DPP6: variants seen among roughly 807,000 people sequenced by gnomAD.
DPP6 encodes the protein A-type potassium channel modulatory protein DPP6.
In DPP6, 69 loss-of-function variants were observed where a neutral mutation model predicts 122.6. That is an observed-to-expected ratio of 0.56 (90% CI 0.46 to 0.69). DPP6 has a LOEUF of 0.69. DPP6 is among the 30% of genes least tolerant of loss of function. The pLI, the probability that DPP6 is intolerant of heterozygous loss-of-function variation, is 0.00. For missense variants in DPP6, 928 were observed against 1,116.9 expected, an observed-to-expected ratio of 0.83 and a Z score of 2.41; for synonymous variants, 418 against 433.1, an observed-to-expected ratio of 0.97 and a Z score of 0.43.
intron 1 of DPP6, among the ~76,000 whole-genome samples, chr7:154,236,570 G>A (rs1405043633): frequency 1.3e-5 from 2 of 152,084 alleles, no homozygotes; most frequent in Non-Finnish European, 2.9e-5. Flanking sequence ...TACTTCTAGG[G>A]AAGATATAGC....
intron 1 of DPP6, among the ~76,000 whole-genome samples, chr7:154,351,530 C>T (rs1810856339): frequency 6.6e-6 from 1 of 152,164 alleles, no homozygotes. Context: ...GTCAGCACCC[C>T]CACCTGCACC....
At chr7:154,103,237 T>C (rs1805883496) in intron 1 of DPP6, among the ~76,000 whole-genome samples, 1 of 152,180 alleles carries the variant, frequency 6.6e-6, no homozygotes, top group South Asian at 2.1e-4. Flanking sequence ...CCTTCTGTCC[T>C]GTTCCTAAAA....
chr7:153,792,547 A>T, the DPP6 span, among the ~76,000 whole-genome samples: 3 of 152,160 alleles, frequency 2.0e-5, no homozygotes, highest in African/African-American at 7.2e-5. Flanking sequence ...ATGTAAGGCT[A>T]CTCAAATATA....
intron 5 of DPP6, among the ~76,000 whole-genome samples, chr7:154,579,008 A>G (rs1018541372): frequency 1.3e-5 from 2 of 152,184 alleles, no homozygotes; most frequent in Admixed American, 6.5e-5. Context: ...CAGAGCTTCA[A>G]GAGGCTCTGA....
intron 6 of DPP6, among the ~76,000 whole-genome samples, chr7:154,638,786 T>C (rs1401757067): frequency 6.6e-6 from 1 of 152,194 alleles, no homozygotes; most frequent in Non-Finnish European, 1.5e-5. Flanking sequence ...TTTGTTGTTT[T>C]ATCTTCATTA....
At chr7:154,084,153 G>A (rs2150534369) in intron 1 of DPP6, among the ~76,000 whole-genome samples, 1 of 90,186 alleles carries the variant, frequency 1.1e-5, no homozygotes, top group South Asian at 4.6e-4. Flanking sequence ...AGGGCTTTCT[G>A]AAGCACCAGA....
intron 1 of DPP6, among the ~76,000 whole-genome samples, chr7:154,149,650 T>C (rs1168341319): frequency 6.7e-6 from 1 of 149,660 alleles, no homozygotes; most frequent in African/African-American, 2.5e-5. Context: ...TGGAAGGAAA[T>C]GGATGGATGA....
At chr7:154,312,687 C>T (rs904016168) in intron 1 of DPP6, among the ~76,000 whole-genome samples, 8 of 152,240 alleles carry the variant, frequency 5.3e-5, no homozygotes, top group South Asian at 2.1e-4. Context: ...GTGGTGATGG[C>T]GGGGCTCTCT....
chr7:154,499,118 T>G (rs1475440105), intron 3 of DPP6, among the ~76,000 whole-genome samples: 2 of 152,140 alleles, frequency 1.3e-5, no homozygotes, highest in African/African-American at 4.8e-5. Context: ...AATATTTTTA[T>G]CTGGACATAT....
chr7:154,071,130 T>A (rs890306219), intron 1 of DPP6, among the ~76,000 whole-genome samples: 7 of 152,138 alleles, frequency 4.6e-5, no homozygotes, highest in African/African-American at 7.2e-5. Context: ...TCAATCAGGG[T>A]TTGCCAGGGT....
At position 154,825,699 on chromosome 7, in the gene DPP6, C is replaced by T. The variant is rs904353994; in HGVS notation, c.1666+18587C>T. Among the ~76,000 whole-genome samples the T allele has an allele frequency of 2.0e-5, 3 of 152,228 alleles. No individual in the cohort carries two copies. The South Asian group carries it at 6.2e-4, about 31-fold the overall frequency. On this transcript the variant is annotated intron_variant, in intron 16 of 25. Coordinates refer to ENST00000377770, the MANE Select transcript of DPP6 (RefSeq NM_130797.4). ...GGACTGCTTCCCGTGCCCCAACTGC[C>T]ACACTGCTGTTTCTCCAATGTCATT...
rs200745389 is a variant in DPP6, at chr7:153,964,779, CTCCTTTCCTTTCCTTTCCTT to C, written c.51+77077_51+77096del. ...TGATGCTCCACATTCTTCTCCGTGG[CTCCTTTCCTTTCCTTTCCTT>C]TCCTTTCCTTTCCTTTCCTTTCCTT... is the stretch of plus-strand genomic sequence containing the variant. On this transcript the variant is annotated intron_variant, in intron 1 of 25. Transcript: ENST00000404039. Among the ~76,000 whole-genome samples, 991 of 114,662 alleles carry C rather than the reference CTCCTTTCCTTTCCTTTCCTT, an allele frequency of 8.6e-3. 15 individuals are homozygous for C. Among genetic ancestry groups the C allele is most frequent in the Non-Finnish European group, 0.013 (764 of 60,222 alleles). 75.2% of individuals were successfully genotyped at this position (114,662 alleles called of 152,430 possible).
intron 1 of DPP6, among the ~76,000 whole-genome samples, chr7:154,114,328 T>C (rs1250529388): frequency 6.6e-6 from 1 of 152,176 alleles, no homozygotes; most frequent in East Asian, 1.9e-4. Context: ...TTAAGCTTTC[T>C]GACTCTTGGT....
chr7:154,487,301 G>A (rs954293932), intron 3 of DPP6, among the ~76,000 whole-genome samples: 7 of 152,024 alleles, frequency 4.6e-5, no homozygotes, highest in African/African-American at 1.4e-4. Flanking sequence ...TCATTATACG[G>A]TTGTTTCCAG....
At chr7:153,856,622 A>G in the DPP6 span, among the ~76,000 whole-genome samples, 2 of 152,220 alleles carry the variant, frequency 1.3e-5, no homozygotes, top group Non-Finnish European at 2.9e-5. Flanking sequence ...GTCCTGCCCT[A>G]TGGGGCAGTT....
Position 154,241,224 on chromosome 7 carries a change from T to TAGAG in DPP6, c.243+188162_243+188163insGAGA, listed in dbSNP as rs1563357071. Among the ~76,000 whole-genome samples, 1 of 148,708 alleles carries TAGAG rather than the reference T, an allele frequency of 6.7e-6. No individual in the cohort carries two copies. The highest frequency in any genetic ancestry group is 2.1e-4 in the South Asian group (1 of 4,730). ...GTGTGTGTGTGTGTGTGTGTGTATA[T>TAGAG]ATATATAGAGAGAGAGAGAGACACT... On this transcript the variant is annotated intron_variant, in intron 1 of 25. Coordinates refer to ENST00000377770, the MANE Select transcript of DPP6 (RefSeq NM_130797.4). The surrounding 1 kb of genome is among the most constrained non-coding windows in gnomAD (Gnocchi z 9.0).
intron 5 of DPP6, among the ~76,000 whole-genome samples, chr7:154,593,637 G>A (rs956117364): frequency 1.3e-5 from 2 of 152,186 alleles, no homozygotes; most frequent in Non-Finnish European, 2.9e-5. Flanking sequence ...TCAGAAGAAC[G>A]GGCTGCAGCC....
At chr7:154,758,315 A>C (rs1795279660) in intron 8 of DPP6, among the ~76,000 whole-genome samples, 1 of 151,964 alleles carries the variant, frequency 6.6e-6, no homozygotes, top group Non-Finnish European at 1.5e-5. Context: ...GTAGGACCAC[A>C]TGCCTTGTAT....
chr7:154,843,025 C>T (rs1420206852), intron 16 of DPP6, among the ~76,000 whole-genome samples: 1 of 152,208 alleles, frequency 6.6e-6, no homozygotes, highest in African/African-American at 2.4e-5. Context: ...GGAACACGCA[C>T]ATAAGAGTGT....
Sources: gnomAD v4.1 joint callset for allele counts (sites outside exome capture counted in the v4.1 genomes callset) on GRCh38, gnomAD v4.1.1 for gene constraint, Gnocchi (gnomAD v3.1) non-coding constraint, MANE v1.5 for transcripts, NCBI Gene and HGNC (gene_info 2026-07-23, HGNC 2026-07-21) for gene names.